ALMS1: variants seen among roughly 807,000 people sequenced by gnomAD.
ALMS1 encodes centrosome-associated protein ALMS1.
Under a neutral mutation model 352.2 loss-of-function variants are expected in ALMS1, and 271 were observed. The ratio of observed to expected loss-of-function variants is 0.77; its 90% CI spans 0.70 to 0.85. The LOEUF (loss-of-function observed/expected upper bound fraction) is 0.85. ALMS1 is among the 40% of genes least tolerant of loss of function. The probability of loss-of-function intolerance (pLI) is 0.00; values close to 1 mark genes in which losing one functional copy is unlikely to be tolerated. For synonymous variants in ALMS1, 1,865 were observed against 1,761.2 expected, an observed-to-expected ratio of 1.06 and a Z score of -1.48; for missense variants, 5,445 against 4,870.7, an observed-to-expected ratio of 1.12 and a Z score of -3.51.
chr2:73,543,257 C>G (rs1266865307), intron 12 of ALMS1, among the ~76,000 whole-genome samples: 2 of 148,772 alleles, frequency 1.3e-5, no homozygotes, highest in African/African-American at 5.2e-5. Context: ...GAAAAACAAG[C>G]AATGGGGAAA....
rs1255608909 is a variant in ALMS1, at chr2:73,450,734, G to A, written c.4207G>A (p.Glu1403Lys). The A allele has an allele frequency of 1.4e-5, 23 of 1,612,876 alleles. No homozygotes were observed. Among genetic ancestry groups the A allele is most frequent in the Non-Finnish European group, 1.9e-5 (23 of 1,179,612 alleles). ...GTCGTTGCCAGGTAGTCATCTAACT[G>A]AAGAGGCTAAGAACGTTTCAGCGGT... The part of the protein sequence containing the change: ...QQSLPGSHLT[E>K]EAKNVSAVPG... Residue 1403 changes from glutamate to lysine, a missense_variant, in exon 8 of 23, where the codon GAA becomes AAA. Physicochemically the swap from Glu to Lys is moderately conservative, Grantham distance 56. Transcript: ENST00000613296.
At chr2:73,597,861 A>G (rs1283575028) in intron 16 of ALMS1, among the ~76,000 whole-genome samples, 1 of 152,048 alleles carries the variant, frequency 6.6e-6, no homozygotes, top group Non-Finnish European at 1.5e-5. Context: ...GCCCCTACTA[A>G]ACATGCTCTG....
At chr2:73,596,198 TAG>T (rs1178552704) in intron 16 of ALMS1, among the ~76,000 whole-genome samples, 2 of 152,244 alleles carry the variant, frequency 1.3e-5, no homozygotes, top group Non-Finnish European at 2.9e-5. Flanking sequence ...ACCAAAGTCA[TAG>T]AGATATTCTC....
intron 1 of ALMS1, among the ~76,000 whole-genome samples, chr2:73,393,802 T>G (rs1670701076): frequency 6.6e-6 from 1 of 152,120 alleles, no homozygotes; most frequent in South Asian, 2.1e-4. Flanking sequence ...TATGCCCACC[T>G]TATTCCAGGA....
rs747033366 is a variant in ALMS1 at position 73,557,227 on chromosome 2, A to G, written c.10086A>G (p.Ser3362=). The change falls in exon 14 of 23, where the codon TCA becomes TCG. Residue 3362 remains serine (S), a synonymous_variant. Transcript: ENST00000613296. ...ATGATGTCGTTATTCCAGATGCCTC[A>G]GTTCAAGTGCTAATCACTGGGGATG... The part of the protein sequence containing the change: ...KPLQNENADA[S]VQVLITGDEN... 88 of 1,614,018 alleles carry G rather than the reference A, an allele frequency of 5.5e-5. No homozygotes were observed. Among genetic ancestry groups the G allele is most frequent in the Non-Finnish European group, 4.5e-5 (53 of 1,180,024 alleles).
chr2:73,390,940 T>G (rs1208619421), intron 1 of ALMS1, among the ~76,000 whole-genome samples: 1 of 151,872 alleles, frequency 6.6e-6, no homozygotes, highest in African/African-American at 2.4e-5. Flanking sequence ...CCAGCTAATT[T>G]TTGTATTTTT....
At chr2:73,424,926 G>C in intron 5 of ALMS1, 24 bp downstream of exon 5, 2 of 1,553,768 alleles carry the variant, frequency 1.3e-6, no homozygotes, top group South Asian at 2.4e-5. Flanking sequence ...TTCTTTTTCA[G>C]ATTCATCTGA....
chr2:73,505,754 T>C (rs1558672873), intron 10 of ALMS1, among the ~76,000 whole-genome samples: 1 of 152,344 alleles, frequency 6.6e-6, no homozygotes, highest in East Asian at 1.9e-4. Context: ...CTGTTTACTC[T>C]AATGATAGTT....
At chr2:73,479,279 A>G (rs1291722357) in intron 9 of ALMS1, among the ~76,000 whole-genome samples, 1 of 152,214 alleles carries the variant, frequency 6.6e-6, no homozygotes, top group Non-Finnish European at 1.5e-5. Flanking sequence ...ATATATCACA[A>G]CCACAACGTT....
chr2:73,485,959 C>T (rs1417698975), intron 9 of ALMS1, among the ~76,000 whole-genome samples: 1 of 152,056 alleles, frequency 6.6e-6, no homozygotes, highest in Non-Finnish European at 1.5e-5. Context: ...ACCCACTGAC[C>T]TGCGCCCACT....
chr2:73,455,089 T>C, intron 8 of ALMS1, 73 bp from the exon 9 acceptor site: 3 of 1,509,702 alleles, frequency 2.0e-6, no homozygotes, highest in South Asian at 1.1e-5. Context: ...ATATTGATGA[T>C]CTTCTGTGTT....
At chr2:73,484,865 A>G (rs1450920160) in intron 9 of ALMS1, among the ~76,000 whole-genome samples, 2 of 152,202 alleles carry the variant, frequency 1.3e-5, no homozygotes, top group East Asian at 1.9e-4. Flanking sequence ...AGTTGATGGC[A>G]TCGGCTCTTG....
At chr2:73,393,340 A>G (rs1311642769) in intron 1 of ALMS1, among the ~76,000 whole-genome samples, 1 of 151,244 alleles carries the variant, frequency 6.6e-6, no homozygotes, top group Non-Finnish European at 1.5e-5. Flanking sequence ...TTTGTATACG[A>G]TATGAAGAAA....
rs1558639484 is a variant in ALMS1, at chr2:73,424,918, CT to C, written c.1237+21del. Reference sequence around the variant, plus strand: ...TATTTAACCAGTAAGTACCCTGATTCTTTTTCAGATTCATCTGACACAATTG... The same window carrying C: ...TATTTAACCAGTAAGTACCCTGATTCTTTTCAGATTCATCTGACACAATTG... On this transcript the variant is annotated intron_variant, in intron 5 of 22. Coordinates refer to ENST00000613296, the MANE Select transcript of ALMS1 (RefSeq NM_001378454.1). 6.4e-7 allele frequency: 1 copy of C among 1,568,988 alleles called. No individual in the cohort carries two copies. The highest frequency in any genetic ancestry group is 1.8e-5 in the Admixed American group (1 of 55,146).
intron 9 of ALMS1, among the ~76,000 whole-genome samples, chr2:73,466,644 TAATAA>T (rs950060676): frequency 1.1e-4 from 17 of 151,884 alleles, no homozygotes; most frequent in Non-Finnish European, 1.5e-4. Flanking sequence ...AGTATAATAA[TAATAA>T]AATAAAAAAA....
intron 12 of ALMS1, among the ~76,000 whole-genome samples, chr2:73,547,595 G>T (rs748410638): frequency 6.6e-6 from 1 of 152,154 alleles, no homozygotes; most frequent in South Asian, 2.1e-4. Context: ...ATTTAACAGG[G>T]TAGAGCATAG....
rs566913942 is a variant in ALMS1 at position 73,539,889 on chromosome 2, G to C, written c.9907+4940G>C. On this transcript the variant is annotated intron_variant, in intron 12 of 22. Transcript: ENST00000613296. ...GACTATATGAAACAACCAAATCTAC[G>C]TCTGATTGGTGTACTTGAAAGTGAC... Among the ~76,000 whole-genome samples the C allele has an allele frequency of 4.6e-5, 7 of 152,296 alleles. No individual in the cohort carries two copies. The South Asian group carries it at 1.4e-3, about 32-fold the overall frequency.
Position 73,519,838 on chromosome 2 carries a change from C to T in ALMS1, c.9603C>T (p.Val3201=), listed in dbSNP as rs767235522. The part of the protein sequence containing the change: ...AFSEKLSSDA[V]TQITTESPEK... ...CTGAAAAATTGTCATCTGATGCAGTCACTCAGATAACAACAGAAAGTCCAG... is the reference window on the plus strand; with the variant it reads ...CTGAAAAATTGTCATCTGATGCAGTTACTCAGATAACAACAGAAAGTCCAG... Residue 3201 remains valine (V), a synonymous_variant, in exon 11 of 23, where the codon GTC becomes GTT. Coordinates refer to ENST00000613296, the MANE Select transcript of ALMS1 (RefSeq NM_001378454.1). 6.2e-7 allele frequency: 1 copy of T among 1,613,816 alleles called. No homozygotes were observed. Among genetic ancestry groups the T allele is most frequent in the Non-Finnish European group, 8.5e-7 (1 of 1,179,750 alleles).
intron 15 of ALMS1, among the ~76,000 whole-genome samples, chr2:73,563,722 C>CAAAAAAAAA (rs1170434973): frequency 1.9e-5 from 1 of 52,226 alleles, no homozygotes; most frequent in African/African-American, 1.5e-4. Context: ...GACTCCATCT[C>CAAAAAAAAA]AAAAAAAAAA....
Sources: gnomAD v4.1 joint callset for allele counts (sites outside exome capture counted in the v4.1 genomes callset) on GRCh38, gnomAD v4.1.1 for gene constraint, MANE v1.5 for transcripts, NCBI Gene and HGNC (gene_info 2026-07-23, HGNC 2026-07-21) for gene names.